Variants in SSTR2 observed in about 807,000 individuals in gnomAD.
The protein encoded by SSTR2 is somatostatin receptor type 2.
In SSTR2, 10 loss-of-function variants were observed where a neutral mutation model predicts 21.4. The observed-to-expected ratio is 0.47, with a 90% confidence interval of 0.29 to 0.79. The LOEUF (loss-of-function observed/expected upper bound fraction) is 0.79. Among genes scored for constraint, SSTR2 ranks in the 30% least tolerant of loss-of-function variants. SSTR2 has a pLI of 0.10. For synonymous variants in SSTR2, 177 were observed against 181.3 expected, an observed-to-expected ratio of 0.98 and a Z score of 0.19; for missense variants, 364 against 468.8, an observed-to-expected ratio of 0.78 and a Z score of 2.06.
Position 73,170,486 on chromosome 17 carries a change from C to T in SSTR2, c.*57C>T, listed in dbSNP as rs2061231462. 1.3e-6 allele frequency: 2 copies of T among 1,583,608 alleles called. No homozygotes were observed. Among genetic ancestry groups the T allele is most frequent in the Non-Finnish European group, 1.7e-6 (2 of 1,163,724 alleles). Reference sequence around the variant, plus strand: ...TGCTCTGTCTACTGGCAATGGGCTCCCTACCCACACTGGCTTCCTGCCTCC... The same window carrying T: ...TGCTCTGTCTACTGGCAATGGGCTCTCTACCCACACTGGCTTCCTGCCTCC... On this transcript the variant is annotated 3_prime_UTR_variant, in exon 2 of 2. Transcript: ENST00000357585.
Position 73,170,581 on chromosome 17 carries a change from A to G in SSTR2, c.*152A>G. On this transcript the variant is annotated 3_prime_UTR_variant, in exon 2 of 2. Coordinates refer to ENST00000357585, the MANE Select transcript of SSTR2 (RefSeq NM_001050.3). ...AGTCCAATTCAGAGAACGGTGTTTG[A>G]GTCAGCTTGTCTGATTGAATGATAA... is the stretch of plus-strand genomic sequence containing the variant. 1.0e-6 allele frequency: 1 copy of G among 981,718 alleles called. No homozygotes were observed. The highest frequency in any genetic ancestry group is 1.6e-6 in the Non-Finnish European group (1 of 628,392). The allele number at this position is 981,718 out of a possible 1,614,324, so 60.8% of individuals were successfully genotyped here.
rs2061245341 is a variant in SSTR2 at position 73,174,992 on chromosome 17, A to G, written c.*4563A>G. 6.6e-6 allele frequency: 1 copy of G among 152,494 alleles called. No homozygotes were observed. The highest frequency in any genetic ancestry group is 2.4e-5 in the African/African-American group (1 of 41,452). 9.4% of individuals were successfully genotyped at this position (152,494 alleles called of 1,614,324 possible). A position where few individuals can be genotyped will look rare whatever the true frequency, so the allele number is the denominator to read the frequency against. On this transcript the variant is annotated 3_prime_UTR_variant, in exon 2 of 2. Coordinates refer to ENST00000357585, the MANE Select transcript of SSTR2 (RefSeq NM_001050.3). Reference sequence around the variant, plus strand: ...TTGCTTTAATAAAAATTCTTTAAACAGTCAAAATAGAAAGAAAGAAAGAAA... The same window carrying G: ...TTGCTTTAATAAAAATTCTTTAAACGGTCAAAATAGAAAGAAAGAAAGAAA...
chr17:73,170,394 A>T lies in SSTR2; in HGVS notation c.1075A>T (p.Thr359Ser). ...GAATGAGACCACGGAGACCCAGAGG[A>T]CCCTCCTCAATGGAGACCTCCAAAC... ...RLNETTETQR[T>S]LLNGDLQTSI The change falls in exon 2 of 2, where the codon ACC becomes TCC. Residue 359 changes from threonine (T) to serine (S), a missense_variant. By Grantham distance (58) the Thr-to-Ser change is moderately conservative. Transcript: ENST00000357585. The T allele has an allele frequency of 6.8e-6, 11 of 1,613,028 alleles. No individual in the cohort carries two copies. The highest frequency in any genetic ancestry group is 9.3e-6 in the Non-Finnish European group (11 of 1,179,788).
chr17:73,172,178 T>C lies in SSTR2; in HGVS notation c.*1749T>C, dbSNP rs1046380062. On this transcript the variant is annotated 3_prime_UTR_variant, in exon 2 of 2. Coordinates refer to ENST00000357585, the MANE Select transcript of SSTR2 (RefSeq NM_001050.3). ...TCACTGAGCCGCTCTGCAAGGACTA[T>C]TGTAGACAGGCACTTCACACCATAA... is the stretch of plus-strand genomic sequence containing the variant. 1.3e-5 allele frequency: 2 copies of C among 152,180 alleles called. No homozygotes were observed. The highest frequency in any genetic ancestry group is 4.8e-5 in the African/African-American group (2 of 41,434). 9.4% of individuals were successfully genotyped at this position (152,180 alleles called of 1,614,324 possible).
rs1325529733 is a variant in SSTR2 at position 73,174,313 on chromosome 17, T to C, written c.*3884T>C. 1 of 152,154 alleles carries C rather than the reference T, an allele frequency of 6.6e-6. No individual in the cohort carries two copies. Among genetic ancestry groups the C allele is most frequent in the Non-Finnish European group, 1.5e-5 (1 of 68,044 alleles). The allele number at this position is 152,154 out of a possible 1,614,324, so 9.4% of individuals were successfully genotyped here. On this transcript the variant is annotated 3_prime_UTR_variant, in exon 2 of 2. Coordinates refer to ENST00000357585, the MANE Select transcript of SSTR2 (RefSeq NM_001050.3). ...CACAAATTTAACCTTCTCTCCATGA[T>C]GGAATACAAGTGTTTCTTGCCAAAA...
rs935968124 is a variant in SSTR2 at position 73,169,350 on chromosome 17, A to C, written c.31A>C (p.Ser11Arg). 6.2e-7 allele frequency: 1 copy of C among 1,613,604 alleles called. No individual in the cohort carries two copies. Among genetic ancestry groups the C allele is most frequent in the African/African-American group, 1.3e-5 (1 of 75,052 alleles). The change falls in exon 2 of 2, where the codon AGC becomes CGC. Residue 11 changes from serine to arginine, a missense_variant. Coordinates refer to ENST00000357585, the MANE Select transcript of SSTR2 (RefSeq NM_001050.3). The surrounding 1 kb of genome is among the most constrained non-coding windows in gnomAD (Gnocchi z 5.2). ...CATGGCGGATGAGCCACTCAATGGA[A>C]GCCACACATGGCTATCCATTCCATT... is the stretch of plus-strand genomic sequence containing the variant. MDMADEPLNG[S>R]HTWLSIPFDL...
chr17:73,170,046 G>C lies in SSTR2; in HGVS notation c.727G>C (p.Gly243Arg). 3 of 1,614,084 alleles carry C rather than the reference G, an allele frequency of 1.9e-6. No individual in the cohort carries two copies. Among genetic ancestry groups the C allele is most frequent in the South Asian group, 1.1e-5 (1 of 91,082 alleles). Residue 243 changes from glycine (G) to arginine (R), a missense_variant, in exon 2 of 2, where the codon GGC becomes CGC. By Grantham distance (125) the Gly-to-Arg change is moderately radical. Transcript: ENST00000357585. ...IKVKSSGIRV[G>R]SSKRKKSEKK... ...GGTGAAGTCCTCTGGAATCCGAGTG[G>C]GCTCCTCTAAGAGGAAGAAGTCTGA...
In SSTR2 at chr17:73,171,013, G is replaced by T; in HGVS notation, c.*584G>T. ...AGGGACTTGGGCAGTATGTTCATGT[G>T]GTCATATGTTTTTGTAAAAAATTGT... On this transcript the variant is annotated 3_prime_UTR_variant, in exon 2 of 2. Transcript: ENST00000357585. 4.7e-6 allele frequency: 1 copy of T among 213,328 alleles called. No homozygotes were observed. Among genetic ancestry groups the T allele is most frequent in the Non-Finnish European group, 1.1e-5 (1 of 94,946 alleles). 13.2% of individuals were successfully genotyped at this position (213,328 alleles called of 1,614,324 possible).
chr17:73,172,379 G>C lies in SSTR2; in HGVS notation c.*1950G>C, dbSNP rs1393268578. On this transcript the variant is annotated 3_prime_UTR_variant, in exon 2 of 2. Transcript: ENST00000357585. ...AGCATCACTCAGCATCTCACACATA[G>C]ATGTTACCATATTTTTAAATGAGCT... 6.6e-6 allele frequency: 1 copy of C among 152,166 alleles called. No individual in the cohort carries two copies. Among genetic ancestry groups the C allele is most frequent in the Non-Finnish European group, 1.5e-5 (1 of 68,036 alleles). 9.4% of individuals were successfully genotyped at this position (152,166 alleles called of 1,614,324 possible).
chr17:73,173,747 G>A lies in SSTR2; in HGVS notation c.*3318G>A, dbSNP rs1372992104. 2 of 152,180 alleles carry A rather than the reference G, an allele frequency of 1.3e-5. No individual in the cohort carries two copies. Among genetic ancestry groups the A allele is most frequent in the East Asian group, 1.9e-4 (1 of 5,202 alleles). The allele number at this position is 152,180 out of a possible 1,614,324, so 9.4% of individuals were successfully genotyped here. A position where few individuals can be genotyped will look rare whatever the true frequency, so the allele number is the denominator to read the frequency against. ...AGTGGACTCAGTGAAAAAGATATTG[G>A]GAAAAATAATATGATATTGTGGCCT... On this transcript the variant is annotated 3_prime_UTR_variant, in exon 2 of 2. Coordinates refer to ENST00000357585, the MANE Select transcript of SSTR2 (RefSeq NM_001050.3).
In SSTR2 at chr17:73,170,327, T is replaced by C; in HGVS notation, c.1008T>C (p.Asp336=). 6.2e-7 allele frequency: 1 copy of C among 1,613,884 alleles called. No individual in the cohort carries two copies. The highest frequency in any genetic ancestry group is 8.5e-7 in the Non-Finnish European group (1 of 1,179,972). Residue 336 remains aspartate (D), a synonymous_variant, in exon 2 of 2, where the codon GAT becomes GAC. Coordinates refer to ENST00000357585, the MANE Select transcript of SSTR2 (RefSeq NM_001050.3). ...GCTTGGTCAAGGTGAGCGGCACAGA[T>C]GATGGGGAGCGGAGTGACAGTAAGC... The part of the protein sequence containing the change: ...VLCLVKVSGT[D]DGERSDSKQD...
rs955332500 is a variant in SSTR2 at position 73,174,945 on chromosome 17, C to T, written c.*4516C>T. On this transcript the variant is annotated 3_prime_UTR_variant, in exon 2 of 2. Transcript: ENST00000357585. ...CAGAATTGATAACTGAGCAGGGAAA[C>T]GTAATTTGGATTGTAAAATTCTTGC... is the stretch of plus-strand genomic sequence containing the variant. The T allele has an allele frequency of 5.2e-5, 8 of 152,468 alleles. No homozygotes were observed. Among genetic ancestry groups the T allele is most frequent in the East Asian group, 3.9e-4 (2 of 5,194 alleles). The allele number at this position is 152,468 out of a possible 1,614,324, so 9.4% of individuals were successfully genotyped here.
chr17:73,165,458 C>T (rs1055193212), intron 1 of SSTR2, among the ~76,000 whole-genome samples, 170 bp downstream of exon 1: 19 of 152,068 alleles, frequency 1.2e-4, no homozygotes, highest in Non-Finnish European at 7.4e-5. Flanking sequence ...GCTCTTGTGC[C>T]TTTTGGGGTG....
Position 73,169,346 on chromosome 17 carries a change from T to C in SSTR2, c.27T>C (p.Asn9=). 6.2e-7 allele frequency: 1 copy of C among 1,613,476 alleles called. No homozygotes were observed. Among genetic ancestry groups the C allele is most frequent in the Non-Finnish European group, 8.5e-7 (1 of 1,179,814 alleles). Residue 9 remains asparagine, a synonymous_variant, in exon 2 of 2, where the codon AAT becomes AAC. Transcript: ENST00000357585. This position sits in a 1 kb window ranked among gnomAD's most constrained non-coding sequence, Gnocchi z 5.2. ...TGGACATGGCGGATGAGCCACTCAA[T>C]GGAAGCCACACATGGCTATCCATTC... MDMADEPL[N]GSHTWLSIPF... is the part of the protein sequence containing the mutation.
chr17:73,174,838 CA>C lies in SSTR2; in HGVS notation c.*4414del. On this transcript the variant is annotated 3_prime_UTR_variant, in exon 2 of 2. Coordinates refer to ENST00000357585, the MANE Select transcript of SSTR2 (RefSeq NM_001050.3). The stretch of plus-strand genomic sequence containing the variant: ...GGGGAAAAGAATTTTCAGCAAAGTA[CA>C]AAAATTTAAAGCATTCCTTTCTTTA... The C allele has an allele frequency of 1.3e-5, 2 of 153,706 alleles. No individual in the cohort carries two copies. 9.5% of individuals were successfully genotyped at this position (153,706 alleles called of 1,614,324 possible). A position where few individuals can be genotyped will look rare whatever the true frequency, so the allele number is the denominator to read the frequency against.
Position 73,170,138 on chromosome 17 carries a change from C to T in SSTR2, c.819C>T (p.Tyr273=), listed in dbSNP as rs1487655185. 6.2e-7 allele frequency: 1 copy of T among 1,614,198 alleles called. No individual in the cohort carries two copies. The highest frequency in any genetic ancestry group is 1.1e-5 in the South Asian group (1 of 91,090). ...TCATCTTCTGCTGGCTTCCCTTCTA[C>T]ATATTCAACGTTTCTTCCGTCTCCA... ...AVFIFCWLPF[Y]IFNVSSVSMA... Residue 273 remains tyrosine, a synonymous_variant, in exon 2 of 2, where the codon TAC becomes TAT. Coordinates refer to ENST00000357585, the MANE Select transcript of SSTR2 (RefSeq NM_001050.3).
At position 73,169,445 on chromosome 17, in the gene SSTR2, C is replaced by A; in HGVS notation, c.126C>A (p.Ser42Arg). The part of the protein sequence containing the change: ...NQTEPYYDLT[S>R]NAVLTFIYFV... ...CAGAGCCGTACTATGACCTGACAAG[C>A]AATGCAGTCCTCACATTCATCTATT... is the stretch of plus-strand genomic sequence containing the variant. The change falls in exon 2 of 2, where the codon AGC becomes AGA. Residue 42 changes from serine to arginine, a missense_variant. Around this residue, in one of 4 missense-constraint regions of SSTR2, gnomAD observed 75 missense variants for 75.4 expected, o/e 0.99. Transcript: ENST00000357585. The surrounding 1 kb of genome is among the most constrained non-coding windows in gnomAD (Gnocchi z 5.2). 1 of 1,614,256 alleles carries A rather than the reference C, an allele frequency of 6.2e-7. No homozygotes were observed. The highest frequency in any genetic ancestry group is 2.2e-5 in the East Asian group (1 of 44,884).
rs774108688 is a variant in SSTR2 at position 73,169,833 on chromosome 17, C to T, written c.514C>T (p.Leu172=). 1.9e-6 allele frequency: 3 copies of T among 1,614,058 alleles called. No homozygotes were observed. Among genetic ancestry groups the T allele is most frequent in the Admixed American group, 3.3e-5 (2 of 60,004 alleles). Residue 172 remains leucine, a synonymous_variant, in exon 2 of 2, where the codon CTG becomes TTG. Transcript: ENST00000357585. This position sits in a 1 kb window ranked among gnomAD's most constrained non-coding sequence, Gnocchi z 5.2. ...CATGGCTGTGTGGGGAGTCTCTCTG[C>T]TGGTCATCTTGCCCATCATGATATA... is the stretch of plus-strand genomic sequence containing the variant. ...ITMAVWGVSL[L]VILPIMIYAG...
rs1369094407 is a variant in SSTR2, at chr17:73,170,214, G to C, written c.895G>C (p.Val299Leu). Residue 299 changes from valine to leucine, a missense_variant, in exon 2 of 2, where the codon GTC becomes CTC. By Grantham distance (32) the Val-to-Leu change is conservative (BLOSUM62 1). Transcript: ENST00000357585. ...TAAAGGCATGTTTGACTTTGTGGTG[G>C]TCCTCACCTATGCTAACAGCTGTGC... ...ALKGMFDFVV[V>L]LTYANSCANP... The C allele has an allele frequency of 1.2e-5, 19 of 1,614,090 alleles. No individual in the cohort carries two copies. Among genetic ancestry groups the C allele is most frequent in the Non-Finnish European group, 1.6e-5 (19 of 1,180,020 alleles).
Sources: gnomAD v4.1 joint callset for allele counts (sites outside exome capture counted in the v4.1 genomes callset) on GRCh38, gnomAD v4.1.1 for gene constraint, gnomAD v4.1.1 regional missense constraint, Gnocchi (gnomAD v3.1) non-coding constraint, MANE v1.5 for transcripts, NCBI Gene and HGNC (gene_info 2026-07-23, HGNC 2026-07-21) for gene names.